PTPRN2: variants seen among roughly 807,000 people sequenced by gnomAD.
PTPRN2 encodes receptor-type tyrosine-protein phosphatase N2.
PTPRN2 carries 74 observed loss-of-function variants against 118.8 expected under a neutral mutation model. The observed-to-expected ratio is 0.62, with a 90% confidence interval of 0.52 to 0.76. The LOEUF (loss-of-function observed/expected upper bound fraction) is 0.76. Ranked by LOEUF, PTPRN2 falls within the 30% of genes least tolerant of loss-of-function variation. The pLI is 0.00. For synonymous variants in PTPRN2, 641 were observed against 608.0 expected, an observed-to-expected ratio of 1.05 and a Z score of -0.80; for missense variants, 1,481 against 1,394.4, an observed-to-expected ratio of 1.06 and a Z score of -0.99.
At chr7:157,685,138 A>G (rs1439085567) in intron 12 of PTPRN2, among the ~76,000 whole-genome samples, 2 of 151,732 alleles carry the variant, frequency 1.3e-5, no homozygotes, top group Non-Finnish European at 2.9e-5. Context: ...CGGAACAAGA[A>G]CAACAAAGGA....
chr7:158,214,397 T>TACACAC (rs144370539), intron 3 of PTPRN2, among the ~76,000 whole-genome samples: 3,821 of 145,800 alleles, frequency 0.026, 96 homozygotes, highest in East Asian at 0.076. Flanking sequence ...CACCAGCGTG[T>TACACAC]ACACACACAC....
At chr7:158,324,450 T>C (rs747246907) in intron 2 of PTPRN2, among the ~76,000 whole-genome samples, 4 of 152,076 alleles carry the variant, frequency 2.6e-5, no homozygotes, top group Non-Finnish European at 4.4e-5. Context: ...TTACAAGTCC[T>C]CACCCCTGGC....
At position 157,576,633 on chromosome 7, in the gene PTPRN2, C is replaced by G; in HGVS notation, c.2763G>C (p.Arg921Ser). The change falls in exon 19 of 23, where the codon AGG (arginine) becomes AGC (serine). Residue 921 changes from arginine (R) to serine (S), a missense_variant. Physicochemically the swap from Arg to Ser is moderately radical, Grantham distance 110. Transcript: ENST00000389418. Reference sequence around the variant, plus strand: ...CATACCTGCGGAAGTCCAGGAGGGACCTTGAGGAGGAAGGGACTCCTCGGT... The same window carrying G: ...CATACCTGCGGAAGTCCAGGAGGGAGCTTGAGGAGGAAGGGACTCCTCGGT... ...WYDRGVPSSS[R>S]SLLDFRRKVN... The G allele has an allele frequency of 6.2e-7, 1 of 1,612,384 alleles. No homozygotes were observed.
intron 1 of PTPRN2, among the ~76,000 whole-genome samples, chr7:158,534,040 G>T (rs1001964647): frequency 4.6e-5 from 7 of 151,386 alleles, no homozygotes; most frequent in African/African-American, 1.7e-4. Flanking sequence ...GATGGCTGTG[G>T]GTGCAGGTTG....
At chr7:157,708,911 C>G (rs1281045816) in intron 12 of PTPRN2, among the ~76,000 whole-genome samples, 1 of 152,218 alleles carries the variant, frequency 6.6e-6, no homozygotes, top group African/African-American at 2.4e-5. Flanking sequence ...GCTGAACGTG[C>G]TCTCCCAGCT....
In PTPRN2 at chr7:157,596,952, G is replaced by A. The variant is rs557942396; in HGVS notation, c.2419-1637C>T. Among the ~76,000 whole-genome samples, 20 of 152,280 alleles carry A rather than the reference G, an allele frequency of 1.3e-4. No homozygotes were observed. The highest frequency in any genetic ancestry group is 2.1e-4 in the South Asian group (1 of 4,828). On this transcript the variant is annotated intron_variant, in intron 16 of 22. Coordinates refer to ENST00000389418, the MANE Select transcript of PTPRN2 (RefSeq NM_002847.5). This position sits in a 1 kb window ranked among gnomAD's most constrained non-coding sequence, Gnocchi z 4.2. The stretch of plus-strand genomic sequence containing the variant: ...GCACGAGGACATCAGTGGTGGCCCC[G>A]GTGCTACCTTAAGTGCTGCTGCATT...
At chr7:157,731,521 C>T (rs866502238) in intron 12 of PTPRN2, among the ~76,000 whole-genome samples, 3,158 of 36,576 alleles carry the variant, frequency 0.086, 45 homozygotes, top group African/African-American at 0.26. Flanking sequence ...GTTACCCTTT[C>T]CCGTCCCATG....
intron 11 of PTPRN2, among the ~76,000 whole-genome samples, chr7:157,981,951 G>A (rs1484773888): frequency 6.6e-6 from 1 of 151,810 alleles, no homozygotes; most frequent in Admixed American, 6.6e-5. Flanking sequence ...TCATAAAGAT[G>A]AGGAGGGGAA....
chr7:158,104,022 C>T (rs752601098), intron 10 of PTPRN2, among the ~76,000 whole-genome samples: 10 of 152,080 alleles, frequency 6.6e-5, no homozygotes, highest in Non-Finnish European at 1.3e-4. Flanking sequence ...CCACCATGCC[C>T]GACTAATTTT....
intron 11 of PTPRN2, among the ~76,000 whole-genome samples, chr7:157,980,846 C>A (rs145971892): frequency 2.6e-3 from 396 of 152,362 alleles, no homozygotes; most frequent in Admixed American, 3.6e-3. Context: ...TCCCTTTAAG[C>A]CTGAGGAAAC....
intron 2 of PTPRN2, among the ~76,000 whole-genome samples, chr7:158,481,144 CTT>C (rs780376381): frequency 3.7e-4 from 56 of 152,216 alleles, no homozygotes; most frequent in Admixed American, 1.8e-3. Context: ...CAGCTGAGGA[CTT>C]TAAGTCAAAG....
In PTPRN2 at chr7:158,192,398, C is replaced by G; in HGVS notation, c.478G>C (p.Ala160Pro). 1 of 1,533,280 alleles carries G rather than the reference C, an allele frequency of 6.5e-7. No individual in the cohort carries two copies. Among genetic ancestry groups the G allele is most frequent in the Non-Finnish European group, 8.7e-7 (1 of 1,151,160 alleles). The allele number at this position is 1,533,280 out of a possible 1,614,324, so 95.0% of individuals were successfully genotyped here. A position where few individuals can be genotyped will look rare whatever the true frequency, so the allele number is the denominator to read the frequency against. Residue 160 changes from alanine (A) to proline (P), a missense_variant, in exon 5 of 23, where the codon GCC becomes CCC. By Grantham distance (27) the Ala-to-Pro change is conservative. Around this residue, in one of 3 missense-constraint regions of PTPRN2, gnomAD observed 1,115 missense variants for 994.2 expected, o/e 1.12. Coordinates refer to ENST00000389418, the MANE Select transcript of PTPRN2 (RefSeq NM_002847.5). ...TCTGAGGCTGGGGCCTGGGACAGGG[C>G]CTCCAGGAAGGGCAGGTGGCGTCGG... ...ALRRHLPFLEALSQAPASDVL... is the reference protein window; with the variant it reads ...ALRRHLPFLEPLSQAPASDVL...
intron 11 of PTPRN2, among the ~76,000 whole-genome samples, chr7:158,077,168 A>G (rs1302456924): frequency 1.3e-5 from 2 of 152,168 alleles, no homozygotes. Context: ...CACAGAGTCC[A>G]GTTCTGAGCC....
intron 3 of PTPRN2, among the ~76,000 whole-genome samples, chr7:158,247,616 TTTTG>T (rs141003097): frequency 0.18 from 26,794 of 151,850 alleles, 2,712 homozygotes; most frequent in East Asian, 0.3. Flanking sequence ...TCTGCGGTTT[TTTTG>T]TTTGTTTGTT....
rs902388086 is a variant in PTPRN2 at position 157,779,862 on chromosome 7, C to T, written c.1789-96925G>A. On this transcript the variant is annotated intron_variant, in intron 12 of 22. Transcript: ENST00000389418. The surrounding 1 kb of genome is among the most constrained non-coding windows in gnomAD (Gnocchi z 4.7). The stretch of plus-strand genomic sequence containing the variant: ...TGAAAATGAGCAGTGTGTGTCCTCC[C>T]AAGCAGGGCTGGGACGCCACTGATA... Among the ~76,000 whole-genome samples the T allele has an allele frequency of 3.3e-5, 5 of 152,082 alleles. No homozygotes were observed. The highest frequency in any genetic ancestry group is 1.2e-4 in the African/African-American group (5 of 41,404).
At position 157,550,764 on chromosome 7, in the gene PTPRN2, C is replaced by G. The variant is rs1798559906; in HGVS notation, c.2903-1745G>C. Among the ~76,000 whole-genome samples the G allele has an allele frequency of 1.3e-5, 2 of 152,290 alleles. 1 individual carries two copies. Among genetic ancestry groups the G allele is most frequent in the Admixed American group, 1.3e-4 (2 of 15,302 alleles). ...AAGGCGGCTTTCTTTTGCGGCAGCC[C>G]GTGAGCTCGGCCACCAGGGAACTAG... On this transcript the variant is annotated intron_variant, in intron 21 of 22. Transcript: ENST00000389418. This position sits in a 1 kb window ranked among gnomAD's most constrained non-coding sequence, Gnocchi z 5.2.
intron 6 of PTPRN2, among the ~76,000 whole-genome samples, chr7:158,143,932 C>T (rs546853881): frequency 1.8e-4 from 27 of 152,178 alleles, no homozygotes; most frequent in South Asian, 8.3e-4. Flanking sequence ...GAGTGGCCAC[C>T]GTCCCCCCCG....
intron 2 of PTPRN2, among the ~76,000 whole-genome samples, chr7:158,489,534 C>A (rs989123399): frequency 6.6e-6 from 1 of 152,348 alleles, no homozygotes; most frequent in South Asian, 2.1e-4. Context: ...GAGCGATGGG[C>A]GCCCAGAACC....
At chr7:158,213,206 T>G (rs369615778) in intron 3 of PTPRN2, among the ~76,000 whole-genome samples, 9 of 140,428 alleles carry the variant, frequency 6.4e-5, no homozygotes, top group African/African-American at 1.6e-4. Context: ...GGCTCTGTGC[T>G]TGTGTGTGTG....
Sources: allele counts gnomAD v4.1 joint callset (sites outside exome capture counted in the v4.1 genomes callset), GRCh38; gene constraint gnomAD v4.1.1; regional missense constraint gnomAD v4.1.1; non-coding constraint Gnocchi (gnomAD v3.1); transcripts MANE v1.5; gene names NCBI Gene and HGNC (gene_info 2026-07-23, HGNC 2026-07-21).